Variants in PCSK6 observed in about 807,000 individuals in gnomAD.
The protein encoded by PCSK6 is proprotein convertase subtilisin/kexin type 6.
PCSK6 carries 85 observed loss-of-function variants against 123.3 expected under a neutral mutation model. The ratio of observed to expected loss-of-function variants is 0.69; its 90% confidence interval spans 0.58 to 0.83. PCSK6 has a LOEUF of 0.83. PCSK6 is among the 40% of genes least tolerant of loss of function. The probability of loss-of-function intolerance (pLI) is 0.00; values close to 1 mark genes in which losing one functional copy is unlikely to be tolerated. For synonymous variants in PCSK6, 508 were observed against 516.0 expected (o/e 0.98, Z 0.21); for missense variants, 1,191 against 1,282.3 (o/e 0.93, Z 1.09).
In PCSK6 at chr15:101,430,058, G is replaced by C. The variant is rs1285186362; in HGVS notation, c.663C>G (p.Ser221=). Residue 221 remains serine, a synonymous_variant, in exon 5 of 22, where the codon TCC becomes TCG. Coordinates refer to ENST00000611716, the MANE Select transcript of PCSK6 (RefSeq NM_002570.5). Reference sequence around the variant, plus strand: ...TGCCGTTCACGTCGTAGCTGGCGTAGGAATCCTAAGAAATGGAATCGTGGT... The same window carrying C: ...TGCCGTTCACGTCGTAGCTGGCGTACGAATCCTAAGAAATGGAATCGTGGT... ...NHPDLAPNYD[S]YASYDVNGND... 4 of 1,613,500 alleles carry C rather than the reference G, an allele frequency of 2.5e-6. No homozygotes were observed. Among genetic ancestry groups the C allele is most frequent in the African/African-American group, 1.3e-5 (1 of 74,922 alleles).
At position 101,305,876 on chromosome 15, in the gene PCSK6, C is replaced by T. The variant is rs2624980; in HGVS notation, c.2813-521G>A. ...ACTTGACTCTGGGAGCCCTGTGTGG[C>T]GGGAGGGCACTGGTATATGGGGCTC... On this transcript the variant is annotated intron_variant, in intron 21 of 21. Transcript: ENST00000611716. The surrounding 1 kb of genome is among the most constrained non-coding windows in gnomAD (Gnocchi z 4.8). 0.14 allele frequency: 21,866 copies of T among 154,530 alleles called. 1,711 individuals are homozygous for T. The highest frequency in any genetic ancestry group is 0.21 in the African/African-American group (8,899 of 41,490). 9.6% of individuals were successfully genotyped at this position (154,530 alleles called of 1,614,324 possible).
At chr15:101,309,835 G>A (rs1478332940) in intron 20 of PCSK6, among the ~76,000 whole-genome samples, 2 of 152,132 alleles carry the variant, frequency 1.3e-5, no homozygotes, top group Non-Finnish European at 2.9e-5. Context: ...GAGGGTGTCC[G>A]GCCCCTCTCT....
At chr15:101,463,866 G>A (rs2057394781) in intron 1 of PCSK6, among the ~76,000 whole-genome samples, 1 of 152,070 alleles carries the variant, frequency 6.6e-6, no homozygotes, top group Admixed American at 6.5e-5. Context: ...GCATATAGAA[G>A]GGGAAAAAGA....
intron 2 of PCSK6, among the ~76,000 whole-genome samples, chr15:101,436,340 T>C (rs576541832): frequency 6.8e-4 from 104 of 152,328 alleles, no homozygotes; most frequent in African/African-American, 2.4e-3. Context: ...GCTGAGGTTC[T>C]TTGAAGTACG....
chr15:101,432,490 A>C (rs371682369), intron 2 of PCSK6, among the ~76,000 whole-genome samples: 3 of 149,652 alleles, frequency 2.0e-5, no homozygotes, highest in Admixed American at 6.7e-5. Flanking sequence ...CTAGCTGGGC[A>C]TGATGGCGCA....
At chr15:101,376,477 C>A (rs1256386049) in intron 11 of PCSK6, among the ~76,000 whole-genome samples, 2 of 152,182 alleles carry the variant, frequency 1.3e-5, no homozygotes, top group Non-Finnish European at 2.9e-5. Context: ...TCTTTAAACC[C>A]ATACACATAA....
At chr15:101,428,022 A>C in intron 5 of PCSK6, 42 bp from the exon 6 acceptor site, 1 of 1,485,240 alleles carries the variant, frequency 6.7e-7, no homozygotes, top group Non-Finnish European at 9.2e-7. Context: ...CAGCCCAGCA[A>C]GTTTCAGTGA....
intron 5 of PCSK6, among the ~76,000 whole-genome samples, chr15:101,429,781 G>A (rs1016843104): frequency 1.3e-5 from 2 of 152,246 alleles, no homozygotes; most frequent in Admixed American, 6.5e-5. Context: ...TGACACCCCA[G>A]AGGAACAGGC....
intron 6 of PCSK6, among the ~76,000 whole-genome samples, chr15:101,403,432 A>T (rs1393509872): frequency 1.4e-5 from 2 of 147,734 alleles, no homozygotes; most frequent in Non-Finnish European, 2.9e-5. Context: ...AATAATTAAA[A>T]AAAAAGAGAG....
At chr15:101,372,798 A>T (rs1374959406) in intron 11 of PCSK6, among the ~76,000 whole-genome samples, 1 of 152,208 alleles carries the variant, frequency 6.6e-6, no homozygotes, top group Non-Finnish European at 1.5e-5. Context: ...TCACACTTCA[A>T]CACCTTTCCA....
chr15:101,483,711 C>T (rs1336596702), intron 1 of PCSK6, among the ~76,000 whole-genome samples: 2 of 152,220 alleles, frequency 1.3e-5, no homozygotes, highest in African/African-American at 2.4e-5. Context: ...CAGGTTAGAG[C>T]GAGGGTGACT....
At chr15:101,409,843 T>C (rs1015656666) in intron 6 of PCSK6, among the ~76,000 whole-genome samples, 1 of 152,334 alleles carries the variant, frequency 6.6e-6, no homozygotes, top group East Asian at 1.9e-4. Context: ...TCTCAAAGGA[T>C]GCCGCATGGG....
intron 13 of PCSK6, among the ~76,000 whole-genome samples, chr15:101,350,069 C>T (rs540104730): frequency 5.3e-5 from 8 of 152,102 alleles, no homozygotes; most frequent in East Asian, 1.9e-4. Flanking sequence ...CCACCATGCC[C>T]GGCTAATTTT....
intron 6 of PCSK6, among the ~76,000 whole-genome samples, chr15:101,409,208 A>G (rs1185530231): frequency 6.6e-6 from 1 of 152,056 alleles, no homozygotes; most frequent in Non-Finnish European, 1.5e-5. Flanking sequence ...CTGTAATCCC[A>G]GCACTTTGGG....
At chr15:101,482,723 G>A (rs932355019) in intron 1 of PCSK6, among the ~76,000 whole-genome samples, 9 of 152,006 alleles carry the variant, frequency 5.9e-5, no homozygotes, top group African/African-American at 1.2e-4. Context: ...CCTGGTTTCC[G>A]CCCAGAGAAA....
chr15:101,364,853 T>G lies in PCSK6; in HGVS notation c.1858+1343A>C, dbSNP rs2041341312. 8.7e-6 allele frequency: 5 copies of G among 572,326 alleles called. No individual in the cohort carries two copies. In the East Asian group the frequency reaches 1.4e-4, roughly 16 times the overall value. 35.5% of individuals were successfully genotyped at this position (572,326 alleles called of 1,614,324 possible). A position where few individuals can be genotyped will look rare whatever the true frequency, so the allele number is the denominator to read the frequency against. Reference sequence around the variant, plus strand: ...ACGGGACCCAAAATAGCCAAAACAATCTTGAGAAAGAACCACCAAGTTGGA... The same window carrying G: ...ACGGGACCCAAAATAGCCAAAACAAGCTTGAGAAAGAACCACCAAGTTGGA... On this transcript the variant is annotated intron_variant, in intron 13 of 21. Transcript: ENST00000611716.
chr15:101,307,602 C>T (rs1322220572), intron 20 of PCSK6: 1 of 383,400 alleles, frequency 2.6e-6, no homozygotes, highest in Non-Finnish European at 4.9e-6. Context: ...TCCGAGGCTT[C>T]CCGCAGCTCA....
At chr15:101,349,487 G>T (rs997372066) in intron 13 of PCSK6, among the ~76,000 whole-genome samples, 1 of 152,170 alleles carries the variant, frequency 6.6e-6, no homozygotes, top group Non-Finnish European at 1.5e-5. Flanking sequence ...ATTTTCCTCA[G>T]AGGCATGGAG....
chr15:101,450,367 CCT>C (rs1278530147), intron 1 of PCSK6, among the ~76,000 whole-genome samples: 6 of 152,156 alleles, frequency 3.9e-5, no homozygotes, highest in Non-Finnish European at 5.9e-5. Context: ...GTTTCACACC[CCT>C]GTGCTCGCTC....
Sources: gnomAD v4.1 joint callset for allele counts (sites outside exome capture counted in the v4.1 genomes callset) on GRCh38, gnomAD v4.1.1 for gene constraint, Gnocchi (gnomAD v3.1) non-coding constraint, MANE v1.5 for transcripts, NCBI Gene and HGNC (gene_info 2026-07-23, HGNC 2026-07-21) for gene names.